LRRC7: variants seen among roughly 807,000 people sequenced by gnomAD.
The protein encoded by LRRC7 is leucine-rich repeat-containing protein 7.
In LRRC7, 23 loss-of-function variants were observed where a neutral mutation model predicts 175.7. That is an observed-to-expected ratio of 0.13 (90% confidence interval 0.09 to 0.19). The LOEUF is 0.19. Among genes scored for constraint, LRRC7 ranks in the 10% least tolerant of loss-of-function variants. LRRC7 has a pLI of 1.00. For missense variants in LRRC7, 1,354 were observed against 1,904.7 expected, an observed-to-expected ratio of 0.71 and a Z score of 5.38; for synonymous variants, 685 against 680.9, an observed-to-expected ratio of 1.01 and a Z score of -0.09.
intron 10 of LRRC7, among the ~76,000 whole-genome samples, chr1:69,992,300 G>C (rs1654514327): frequency 1.3e-5 from 2 of 152,054 alleles, no homozygotes; most frequent in African/African-American, 4.8e-5. Context: ...AATGCTGACT[G>C]CATATATGTG....
intron 26 of LRRC7, 79 bp from the exon 27 acceptor site, chr1:70,121,701 C>T (rs1353408426): frequency 1.3e-5 from 12 of 921,216 alleles, no homozygotes; most frequent in South Asian, 3.5e-5. Context: ...TCAGTGCTCC[C>T]GTGAATTTTA....
chr1:69,957,232 G>T (rs902724109), intron 8 of LRRC7, among the ~76,000 whole-genome samples: 1 of 151,700 alleles, frequency 6.6e-6, no homozygotes, highest in African/African-American at 2.4e-5. Flanking sequence ...ATACATGAAT[G>T]AATTTTTATT....
chr1:69,671,318 C>T (rs1190040602), intron 1 of LRRC7, among the ~76,000 whole-genome samples: 4 of 152,112 alleles, frequency 2.6e-5, no homozygotes, highest in Admixed American at 2.6e-4. Context: ...AAGGGTGCCT[C>T]ATGACTTTGA....
Position 70,126,990 on chromosome 1 carries a change from A to G in LRRC7, c.*5103A>G, listed in dbSNP as rs1394860606. ...ACAGATAAGAGACCCTCTTAGAGTGATAGCTGTTCGGAGAGCCTTGAGTAT... is the reference window on the plus strand; with the variant it reads ...ACAGATAAGAGACCCTCTTAGAGTGGTAGCTGTTCGGAGAGCCTTGAGTAT... On this transcript the variant is annotated 3_prime_UTR_variant, in exon 27 of 27. Transcript: ENST00000651989. 1.3e-5 allele frequency among the ~76,000 whole-genome samples: 2 copies of G among 152,180 alleles called. No homozygotes were observed. The highest frequency in any genetic ancestry group is 2.9e-5 in the Non-Finnish European group (2 of 68,040).
intron 1 of LRRC7, among the ~76,000 whole-genome samples, chr1:69,587,772 T>G (rs948265251): frequency 6.6e-6 from 1 of 152,134 alleles, no homozygotes; most frequent in African/African-American, 2.4e-5. Flanking sequence ...GTTTCCCTAT[T>G]ATTATCTCTC....
At chr1:69,600,928 C>T (rs1190368195) in intron 1 of LRRC7, among the ~76,000 whole-genome samples, 2 of 147,218 alleles carry the variant, frequency 1.4e-5, no homozygotes, top group African/African-American at 4.9e-5. Context: ...TCCCCTGCCT[C>T]AACCTCCTGA....
chr1:69,804,578 G>A (rs1449252613), intron 4 of LRRC7, among the ~76,000 whole-genome samples: 1 of 151,544 alleles, frequency 6.6e-6, no homozygotes, highest in African/African-American at 2.4e-5. Flanking sequence ...AACCTGGTTA[G>A]CTAGCCAGCT....
chr1:70,141,836 TAGG>T lies in LRRC7; in HGVS notation c.*19953_*19955del, dbSNP rs1372651654. 6.6e-6 allele frequency: 1 copy of T among 152,126 alleles called. No homozygotes were observed. The highest frequency in any genetic ancestry group is 2.1e-4 in the South Asian group (1 of 4,832). The allele number at this position is 152,126 out of a possible 1,614,324, so 9.4% of individuals were successfully genotyped here. ...GTGTCTATGTATAGGCACACATAAA[TAGG>T]AGGTGTTTTTCTTTGCACATTTGTT... On this transcript the variant is annotated 3_prime_UTR_variant, in exon 27 of 27. Transcript: ENST00000651989.
chr1:69,907,291 C>A (rs1221239766), intron 7 of LRRC7, among the ~76,000 whole-genome samples: 3 of 152,152 alleles, frequency 2.0e-5, no homozygotes, highest in African/African-American at 7.2e-5. Context: ...GAATTTCCAA[C>A]ACTATGTTGA....
chr1:69,626,662 C>T (rs542882385), intron 1 of LRRC7, among the ~76,000 whole-genome samples: 80 of 150,882 alleles, frequency 5.3e-4, no homozygotes, highest in African/African-American at 1.8e-3. Flanking sequence ...TGTGCTGCAC[C>T]CATTAACTCA....
chr1:69,951,471 A>G (rs1168354343), intron 8 of LRRC7, among the ~76,000 whole-genome samples: 1 of 152,080 alleles, frequency 6.6e-6, no homozygotes, highest in African/African-American at 2.4e-5. Context: ...TCATTCTGCC[A>G]TGAAGCCACA....
At chr1:69,762,033 A>C (rs1025398106) in intron 3 of LRRC7, among the ~76,000 whole-genome samples, 4 of 152,120 alleles carry the variant, frequency 2.6e-5, no homozygotes, top group Non-Finnish European at 5.9e-5. Context: ...AGAAACAGAC[A>C]ACATTTTTGT....
chr1:70,038,534 C>T lies in LRRC7; in HGVS notation c.2710C>T (p.Pro904Ser), dbSNP rs141934258. ...TAFPSKLETT[P>S]TTSPLPERKE... ...TTTTCCTTCCAAATTAGAGACAACC[C>T]CCACTACCAGCCCATTGCCTGAAAG... The change falls in exon 21 of 27, where the codon CCC becomes TCC. Residue 904 changes from proline (P) to serine (S), a missense_variant. Around this residue, in one of 4 missense-constraint regions of LRRC7, gnomAD observed 1,032 missense variants for 1,227.2 expected, o/e 0.84. Transcript: ENST00000651989. 1.2e-5 allele frequency: 19 copies of T among 1,614,052 alleles called. No homozygotes were observed. The highest frequency in any genetic ancestry group is 1.4e-5 in the Non-Finnish European group (16 of 1,179,996).
intron 11 of LRRC7, among the ~76,000 whole-genome samples, chr1:70,001,050 T>G (rs1655471631): frequency 6.6e-6 from 1 of 152,208 alleles, no homozygotes; most frequent in Non-Finnish European, 1.5e-5. Context: ...TCTCATTATT[T>G]TATTCTGTCT....
chr1:69,589,006 T>TGTGTGTGC (rs954948789), intron 1 of LRRC7, among the ~76,000 whole-genome samples: 1 of 151,456 alleles, frequency 6.6e-6, no homozygotes, highest in African/African-American at 2.4e-5. Context: ...TGTGTGTGTG[T>TGTGTGTGC]GTGCGTGCAT....
At chr1:69,878,427 G>T (rs992440837) in intron 7 of LRRC7, among the ~76,000 whole-genome samples, 1 of 152,182 alleles carries the variant, frequency 6.6e-6, no homozygotes, top group African/African-American at 2.4e-5. Flanking sequence ...GTCACACTGA[G>T]ATTGGAGATA....
intron 3 of LRRC7, among the ~76,000 whole-genome samples, chr1:69,764,941 G>A (rs1455658381): frequency 6.6e-6 from 1 of 151,930 alleles, no homozygotes; most frequent in Non-Finnish European, 1.5e-5. Flanking sequence ...TAACATCTCA[G>A]GATAGTTCTA....
At chr1:69,713,281 T>A (rs975936149) in intron 2 of LRRC7, among the ~76,000 whole-genome samples, 1 of 151,438 alleles carries the variant, frequency 6.6e-6, no homozygotes, top group Admixed American at 6.6e-5. Flanking sequence ...AGCCTAGGAG[T>A]TCCAGATCAG....
At chr1:70,054,155 G>A (rs1660954748) in intron 23 of LRRC7, among the ~76,000 whole-genome samples, 1 of 151,924 alleles carries the variant, frequency 6.6e-6, no homozygotes, top group Non-Finnish European at 1.5e-5. Flanking sequence ...TGTCATTCAG[G>A]GTACTTGAAA....
Sources: allele counts gnomAD v4.1 joint callset (sites outside exome capture counted in the v4.1 genomes callset), GRCh38; gene constraint gnomAD v4.1.1; regional missense constraint gnomAD v4.1.1; transcripts MANE v1.5; gene names NCBI Gene and HGNC (gene_info 2026-07-23, HGNC 2026-07-21).